Variants in SLC17A1 observed in about 807,000 individuals in gnomAD.
SLC17A1 encodes solute carrier family 17 member 1.
In SLC17A1, 51 loss-of-function variants were observed where a neutral mutation model predicts 53.5. That is an observed-to-expected ratio of 0.95 (90% CI 0.76 to 1.20). The LOEUF is 1.20. Ranked by LOEUF, SLC17A1 falls within the 50% of genes most tolerant of loss-of-function variation. SLC17A1 has a pLI of 0.00. For synonymous variants in SLC17A1, 179 were observed against 198.8 expected, an observed-to-expected ratio of 0.90 and a Z score of 0.84; for missense variants, 538 against 568.2, an observed-to-expected ratio of 0.95 and a Z score of 0.54.
the SLC17A1 span, chr6:25,770,399 G>T: frequency 6.2e-7 from 1 of 1,614,090 alleles, no homozygotes. Context: ...GGTATTAACT[G>T]GTCAGTATTC....
At chr6:25,794,095 C>T (rs1405844437) in intron 12 of SLC17A1, among the ~76,000 whole-genome samples, 1 of 152,130 alleles carries the variant, frequency 6.6e-6, no homozygotes, top group African/African-American at 2.4e-5. Flanking sequence ...CTGAGTTGAC[C>T]AATCAAAATT....
chr6:25,816,848 A>ATTT (rs5875070), intron 6 of SLC17A1, among the ~76,000 whole-genome samples: 1 of 142,216 alleles, frequency 7.0e-6, no homozygotes, highest in Admixed American at 7.0e-5. Context: ...TGGCCAGGCC[A>ATTT]TTTTTTTTTT....
chr6:25,738,140 A>G, the SLC17A1 span, among the ~76,000 whole-genome samples: 1 of 152,242 alleles, frequency 6.6e-6, no homozygotes, highest in Non-Finnish European at 1.5e-5. Context: ...ATTTTGAAAA[A>G]GAATAAAGTG....
At chr6:25,816,515 C>T (rs1321204670) in intron 6 of SLC17A1, among the ~76,000 whole-genome samples, 1 of 152,244 alleles carries the variant, frequency 6.6e-6, no homozygotes, top group Non-Finnish European at 1.5e-5. Flanking sequence ...GACAGCCTAG[C>T]TAGAGAGGGG....
intron 1 of SLC17A1, 31 bp from the exon 2 acceptor site, chr6:25,830,638 T>C: frequency 6.6e-7 from 1 of 1,518,674 alleles, no homozygotes; most frequent in South Asian, 1.1e-5. Flanking sequence ...GATGTCAGCA[T>C]AATGTAGAGA....
intron 12 of SLC17A1, among the ~76,000 whole-genome samples, chr6:25,796,056 G>A (rs998404355): frequency 6.6e-6 from 1 of 152,092 alleles, no homozygotes; most frequent in Non-Finnish European, 1.5e-5. Flanking sequence ...ATAAAGTAAA[G>A]TGATTGTTCT....
the SLC17A1 span, among the ~76,000 whole-genome samples, chr6:25,752,959 C>CA: frequency 8.0e-4 from 117 of 146,144 alleles, no homozygotes; most frequent in East Asian, 6.2e-3. Context: ...CTCAAAAAAA[C>CA]AAAAAAAAAC....
chr6:25,727,410 T>A, the SLC17A1 span: 1 of 945,780 alleles, frequency 1.1e-6, no homozygotes, highest in African/African-American at 1.7e-5. Flanking sequence ...TTTTTTTTTT[T>A]TTTGAGGCGG....
chr6:25,793,615 G>A (rs1428506636), intron 12 of SLC17A1, among the ~76,000 whole-genome samples: 1 of 152,068 alleles, frequency 6.6e-6, no homozygotes, highest in East Asian at 1.9e-4. Flanking sequence ...AAGTCCTGAT[G>A]ATGTTGCTCA....
downstream of SLC17A1, chr6:25,778,001 A>G (rs1763078757): frequency 2.5e-6 from 4 of 1,612,196 alleles, no homozygotes; most frequent in East Asian, 8.9e-5. Flanking sequence ...CTGCTGCTGG[A>G]TTTTTCATCA....
chr6:25,725,993 G>T, the SLC17A1 span: 1 of 761,556 alleles, frequency 1.3e-6, no homozygotes, highest in Non-Finnish European at 2.1e-6. Context: ...ACGGGCATTT[G>T]TGACAGGCAA....
At chr6:25,830,413 A>T in intron 2 of SLC17A1, 111 bp downstream of exon 2, 1 of 805,602 alleles carries the variant, frequency 1.2e-6, no homozygotes, top group Non-Finnish European at 2.1e-6. Flanking sequence ...TCTTTTCTGA[A>T]CATTTTTAAG....
the SLC17A1 span, among the ~76,000 whole-genome samples, chr6:25,774,920 T>C: frequency 1.3e-5 from 2 of 152,362 alleles, no homozygotes; most frequent in South Asian, 2.1e-4. Context: ...ATCCTTTCCA[T>C]TGTTTGGATT....
chr6:25,736,780 C>A, the SLC17A1 span, among the ~76,000 whole-genome samples: 1 of 152,176 alleles, frequency 6.6e-6, no homozygotes, highest in Admixed American at 6.5e-5. Context: ...CAAGGTCTTT[C>A]TACACAGTAA....
chr6:25,811,349 C>T (rs1310039218), intron 10 of SLC17A1, 49 bp downstream of exon 10: 5 of 1,498,850 alleles, frequency 3.3e-6, no homozygotes, highest in South Asian at 1.2e-5. Flanking sequence ...TAAATATATA[C>T]AATATTTATT....
At chr6:25,819,642 T>G (rs767340660) in intron 4 of SLC17A1, 40 bp downstream of exon 4, 3 of 1,612,288 alleles carry the variant, frequency 1.9e-6, no homozygotes, top group South Asian at 1.1e-5. Flanking sequence ...ATACTTCCTG[T>G]GAATTTAAAC....
At chr6:25,756,775 T>C in the SLC17A1 span, among the ~76,000 whole-genome samples, 2 of 152,234 alleles carry the variant, frequency 1.3e-5, no homozygotes, top group Non-Finnish European at 2.9e-5. Context: ...ATTGCATTCA[T>C]TGATTCAATA....
chr6:25,777,253 G>A, the SLC17A1 span: 96,354 of 321,200 alleles, frequency 0.3, 16,919 homozygotes, highest in East Asian at 0.68. Context: ...TGCCTAAGGC[G>A]GAATCACTGA....
chr6:25,743,770 G>A, the SLC17A1 span, among the ~76,000 whole-genome samples: 1 of 152,142 alleles, frequency 6.6e-6, no homozygotes, highest in East Asian at 1.9e-4. Context: ...ATTAGGTAAT[G>A]TTTCAAGGAG....
Sources: allele counts gnomAD v4.1 joint callset (sites outside exome capture counted in the v4.1 genomes callset), GRCh38; gene constraint gnomAD v4.1.1; transcripts MANE v1.5; gene names NCBI Gene and HGNC (gene_info 2026-07-23, HGNC 2026-07-21).